Variants in ADRA1B observed in about 807,000 individuals in gnomAD.
ADRA1B encodes the protein adrenoceptor alpha 1B.
ADRA1B carries 17 observed loss-of-function variants against 17.9 expected under a neutral mutation model. The ratio of observed to expected loss-of-function variants is 0.95; its 90% confidence interval spans 0.65 to 1.42. The LOEUF (loss-of-function observed/expected upper bound fraction) is 1.42. Ranked by LOEUF, ADRA1B falls within the 40% of genes most tolerant of loss-of-function variation. The pLI is 0.00. For missense variants in ADRA1B, 681 were observed against 722.1 expected, an observed-to-expected ratio of 0.94 and a Z score of 0.65; for synonymous variants, 366 against 327.6, an observed-to-expected ratio of 1.12 and a Z score of -1.27.
chr5:159,870,574 T>G (rs1314388136), intron 1 of ADRA1B: 1 of 152,100 alleles, frequency 6.6e-6, no homozygotes, highest in Non-Finnish European at 1.5e-5. Context: ...CTCCTGTAAG[T>G]GAAGATACAT....
intron 1 of ADRA1B, among the ~76,000 whole-genome samples, chr5:159,928,353 C>T (rs966278065): frequency 2.6e-5 from 4 of 152,152 alleles, no homozygotes; most frequent in South Asian, 4.1e-4. Flanking sequence ...TCTGCTCTTA[C>T]GACTCTATTG....
At chr5:159,878,062 G>A (rs150301074) in intron 1 of ADRA1B, among the ~76,000 whole-genome samples, 487 of 152,312 alleles carry the variant, frequency 3.2e-3, no homozygotes, top group African/African-American at 0.011. Context: ...GCTTGGTCTT[G>A]TCAGGACTCC....
chr5:159,960,130 C>G (rs1755639514), intron 1 of ADRA1B, among the ~76,000 whole-genome samples: 1 of 152,174 alleles, frequency 6.6e-6, no homozygotes, highest in Non-Finnish European at 1.5e-5. Flanking sequence ...CTTAGCGGGT[C>G]TTCTCAGGCT....
chr5:159,972,040 G>GGCCGCCGCCGAC lies in ADRA1B; in HGVS notation c.1122_1133dup (p.Arg377_Arg380dup). 1.5e-6 allele frequency: 2 copies of GGCCGCCGCCGAC among 1,378,408 alleles called. No individual in the cohort carries two copies. The highest frequency in any genetic ancestry group is 2.9e-5 in the East Asian group (1 of 33,904). 85.4% of individuals were successfully genotyped at this position (1,378,408 alleles called of 1,614,324 possible). ...CCTCGGGTGCCAGTGCCGCGGCCGC[G>GGCCGCCGCCGAC]GCCGCCGCCGACGCCGCCGCCGCCG... On this transcript the variant is annotated inframe_insertion, in exon 2 of 2. Transcript: ENST00000306675.
intron 1 of ADRA1B, among the ~76,000 whole-genome samples, chr5:159,882,413 A>G (rs1753873361): frequency 6.6e-6 from 1 of 152,184 alleles, no homozygotes; most frequent in South Asian, 2.1e-4. Context: ...GTTGTTATGT[A>G]TTGTTTCACT....
chr5:159,984,862 G>A, the ADRA1B span, among the ~76,000 whole-genome samples: 3 of 150,296 alleles, frequency 2.0e-5, no homozygotes, highest in Admixed American at 6.6e-5. Flanking sequence ...TGAGGATCAG[G>A]CCACATCACT....
At chr5:159,907,283 C>A (rs185017942) in intron 1 of ADRA1B, among the ~76,000 whole-genome samples, 2 of 152,272 alleles carry the variant, frequency 1.3e-5, no homozygotes, top group Non-Finnish European at 1.5e-5. Flanking sequence ...ATATTTCCAA[C>A]AAGCCCTGGC....
At chr5:159,879,097 G>A (rs1753830141) in intron 1 of ADRA1B, among the ~76,000 whole-genome samples, 1 of 152,130 alleles carries the variant, frequency 6.6e-6, no homozygotes, top group Non-Finnish European at 1.5e-5. Context: ...GTTGACAGAG[G>A]CAGAGCTGTG....
At chr5:159,894,410 G>A (rs370116517) in intron 1 of ADRA1B, among the ~76,000 whole-genome samples, 12 of 152,146 alleles carry the variant, frequency 7.9e-5, no homozygotes, top group African/African-American at 1.4e-4. Context: ...GCTCTACTCC[G>A]TAGAATCCAG....
rs145868337 is a variant in ADRA1B, at chr5:159,874,085, T to A, written c.-256+8879T>A. On this transcript the variant is annotated intron_variant, in intron 1 of 2. Coordinates refer to the ADRA1B transcript ENST00000641205. ...GCCCTTCTGGGCTATTGGGGTCTTC[T>A]CTCTAGAGGTAACTAGACTGGTTTC... Among the ~76,000 whole-genome samples, 54 of 152,266 alleles carry A rather than the reference T, an allele frequency of 3.5e-4. No individual in the cohort carries two copies. The East Asian group carries it at 0.01, about 28-fold the overall frequency.
At chr5:159,911,081 T>C (rs952027190) in intron 1 of ADRA1B, among the ~76,000 whole-genome samples, 7 of 152,194 alleles carry the variant, frequency 4.6e-5, no homozygotes, top group African/African-American at 1.7e-4. Context: ...CAGTGACATC[T>C]ATCTTGAGAA....
intron 1 of ADRA1B, among the ~76,000 whole-genome samples, chr5:159,891,814 C>A (rs1326211487): frequency 3.3e-5 from 5 of 152,254 alleles, no homozygotes; most frequent in Admixed American, 2.6e-4. Context: ...TCAATCTAGG[C>A]CCTGATTTTG....
chr5:159,901,388 G>C, intron 1 of ADRA1B, among the ~76,000 whole-genome samples: 1 of 130,400 alleles, frequency 7.7e-6, no homozygotes, highest in East Asian at 2.6e-4. Flanking sequence ...AGGAGGAGGA[G>C]GAGGAGGAGG....
chr5:159,958,016 C>G (rs1022934597), intron 1 of ADRA1B, among the ~76,000 whole-genome samples: 4 of 149,430 alleles, frequency 2.7e-5, no homozygotes, highest in African/African-American at 9.8e-5. Context: ...ACACATATTT[C>G]TCCCAATTCT....
At chr5:159,945,439 A>G (rs950580207) in intron 1 of ADRA1B, among the ~76,000 whole-genome samples, 7 of 152,218 alleles carry the variant, frequency 4.6e-5, no homozygotes, top group African/African-American at 1.7e-4. Flanking sequence ...AGTGACTAGA[A>G]GGAGCCAGCC....
At chr5:159,962,378 TGTCTGAGTGGTGCTGCCATCC>T (rs146480716) in intron 1 of ADRA1B, among the ~76,000 whole-genome samples, 7,380 of 147,044 alleles carry the variant, frequency 0.05, 273 homozygotes, top group East Asian at 0.18. Flanking sequence ...TGCTGCCATC[TGTCTGAGTGGTGCTGCCATCC>T]GTCTGATTTC....
At chr5:159,980,977 G>A in the ADRA1B span, among the ~76,000 whole-genome samples, 1 of 152,114 alleles carries the variant, frequency 6.6e-6, no homozygotes, top group Non-Finnish European at 1.5e-5. Context: ...CAAATCATCT[G>A]AGCAAGGGCA....
intron 1 of ADRA1B, among the ~76,000 whole-genome samples, chr5:159,881,789 G>A (rs77097024): frequency 0.029 from 4,448 of 152,208 alleles, 79 homozygotes; most frequent in Middle Eastern, 0.072. Context: ...AGGTCAGGAC[G>A]CTCTCAGAGA....
At chr5:159,894,206 G>A (rs559531150) in intron 1 of ADRA1B, among the ~76,000 whole-genome samples, 1 of 152,362 alleles carries the variant, frequency 6.6e-6, no homozygotes, top group East Asian at 1.9e-4. Flanking sequence ...GCCAGTTCTG[G>A]TCTAGGCCTG....
Sources: gnomAD v4.1 joint callset for allele counts (sites outside exome capture counted in the v4.1 genomes callset) on GRCh38, gnomAD v4.1.1 for gene constraint, MANE v1.5 for transcripts, NCBI Gene and HGNC (gene_info 2026-07-23, HGNC 2026-07-21) for gene names.